The following CYREN variants were observed in gnomAD, a reference collection of about 807,000 sequenced individuals.
The protein encoded by CYREN is cell cycle regulator of non-homologous end joining.
A neutral mutation model predicts 9.7 loss-of-function variants in CYREN; 7 were observed. The ratio of observed to expected loss-of-function variants is 0.72; its 90% CI spans 0.41 to 1.36. The LOEUF is 1.36. Among genes scored for constraint, CYREN ranks in the 40% most tolerant of loss-of-function variants. CYREN has a pLI of 0.01. For synonymous variants in CYREN, 76 were observed against 77.9 expected, an observed-to-expected ratio of 0.98 and a Z score of 0.13; for missense variants, 215 against 198.1, an observed-to-expected ratio of 1.09 and a Z score of -0.51.
chr7:135,109,555 A>C (rs1202168677), intron 2 of CYREN, among the ~76,000 whole-genome samples: 1 of 151,892 alleles, frequency 6.6e-6, no homozygotes, highest in Non-Finnish European at 1.5e-5. Flanking sequence ...ATTTTTCAGC[A>C]CCTGAAGGTA....
intron 2 of CYREN, among the ~76,000 whole-genome samples, chr7:135,144,192 T>G (rs1291184509): frequency 6.6e-6 from 1 of 152,122 alleles, no homozygotes; most frequent in African/African-American, 2.4e-5. Flanking sequence ...TACTTCATAG[T>G]GTGGAGTTTC....
chr7:135,166,928 T>C, intron 3 of CYREN, 57 bp from the exon 4 acceptor site: 2 of 1,582,206 alleles, frequency 1.3e-6, no homozygotes, highest in Non-Finnish European at 1.7e-6. Flanking sequence ...CCTAACATGC[T>C]GATCTGTCAG....
chr7:135,136,163 T>C (rs1251740115), intron 2 of CYREN, among the ~76,000 whole-genome samples: 1 of 151,962 alleles, frequency 6.6e-6, no homozygotes, highest in Non-Finnish European at 1.5e-5. Context: ...AGGTCAACAA[T>C]GGCATCCATT....
At chr7:135,111,926 G>A (rs1019481365) in intron 2 of CYREN, among the ~76,000 whole-genome samples, 11 of 151,838 alleles carry the variant, frequency 7.2e-5, no homozygotes, top group South Asian at 6.3e-4. Context: ...ACTGGATATC[G>A]CCATCTGTTT....
intron 2 of CYREN, among the ~76,000 whole-genome samples, chr7:135,146,655 A>G (rs549946027): frequency 2.6e-5 from 4 of 152,376 alleles, no homozygotes; most frequent in Non-Finnish European, 1.5e-5. Context: ...TGGAACATGC[A>G]GTGGGGAAGA....
At chr7:135,102,242 T>C (rs565661096) in intron 2 of CYREN, among the ~76,000 whole-genome samples, 1 of 152,330 alleles carries the variant, frequency 6.6e-6, no homozygotes, top group South Asian at 2.1e-4. Context: ...TGAGCTTCAA[T>C]GGAACATAAA....
intron 2 of CYREN, among the ~76,000 whole-genome samples, chr7:135,132,309 A>G (rs1828881732): frequency 1.3e-5 from 2 of 152,242 alleles, no homozygotes; most frequent in Non-Finnish European, 2.9e-5. Context: ...AAAAAGAATT[A>G]TACACCATGA....
chr7:135,096,898 G>T (rs1436640594), intron 2 of CYREN, among the ~76,000 whole-genome samples: 1 of 152,144 alleles, frequency 6.6e-6, no homozygotes. Context: ...AAAATATGCA[G>T]AAAAGAATTT....
chr7:135,114,047 G>T (rs893374662), intron 2 of CYREN, among the ~76,000 whole-genome samples: 1 of 152,260 alleles, frequency 6.6e-6, no homozygotes. Flanking sequence ...TCCTTTTTAA[G>T]ACTAAATAAT....
At chr7:135,168,542 C>T in intron 2 of CYREN, 1 of 527,540 alleles carries the variant, frequency 1.9e-6, no homozygotes, top group Admixed American at 3.6e-5. Flanking sequence ...AGAACCCACT[C>T]TGTGTGTGCT....
At chr7:135,106,787 G>A (rs1824789638) in intron 2 of CYREN, among the ~76,000 whole-genome samples, 1 of 152,168 alleles carries the variant, frequency 6.6e-6, no homozygotes, top group African/African-American at 2.4e-5. Flanking sequence ...CAGTAGGAAT[G>A]GTACCAGCTC....
rs756247796 is a variant in CYREN, at chr7:135,110,315, C to G, written n.357-15733G>C. On this transcript the variant is annotated intron_variant and non_coding_transcript_variant, in intron 2 of 2. Coordinates refer to the CYREN transcript ENST00000459937. ...CAGCCCCCTGGATTCAGCCCCTTTC[C>G]TAGGGGTATGTACAGAGGTCTAACT... is the stretch of plus-strand genomic sequence containing the variant. 3.9e-5 allele frequency among the ~76,000 whole-genome samples: 6 copies of G among 152,184 alleles called. No individual in the cohort carries two copies. In the East Asian group the frequency reaches 7.7e-4, roughly 20 times the overall value.
intron 2 of CYREN, chr7:135,148,304 C>A (rs3735002): frequency 1.4e-5 from 5 of 348,516 alleles, no homozygotes; most frequent in African/African-American, 8.6e-5. Context: ...CACAGCTTAC[C>A]CAGACGTCTA....
chr7:135,171,453 T>G (rs1243560934), upstream of CYREN, among the ~76,000 whole-genome samples: 1 of 152,148 alleles, frequency 6.6e-6, no homozygotes, highest in African/African-American at 2.4e-5. Context: ...ATGTTATTCA[T>G]AGATTCCAGA....
intron 2 of CYREN, among the ~76,000 whole-genome samples, chr7:135,124,974 T>C (rs78231440): frequency 1.3e-5 from 2 of 151,816 alleles, no homozygotes; most frequent in Non-Finnish European, 2.9e-5. Flanking sequence ...CACACCCAAA[T>C]ATCACAATTA....
In CYREN at chr7:135,166,418, C is replaced by A; in HGVS notation, c.*193G>T. ...CATTTTGAGTCCTGCCTTCCGCACA[C>A]TCAGAACGGCAGCCCCAAGGCCCGG... is the stretch of plus-strand genomic sequence containing the variant. On this transcript the variant is annotated 3_prime_UTR_variant, in exon 4 of 4. Coordinates refer to ENST00000393114, the MANE Select transcript of CYREN (RefSeq NM_024033.4). 1.3e-6 allele frequency: 1 copy of A among 778,620 alleles called. No homozygotes were observed. Among genetic ancestry groups the A allele is most frequent in the South Asian group, 2.4e-5 (1 of 42,450 alleles). The allele number at this position is 778,620 out of a possible 1,614,324, so 48.2% of individuals were successfully genotyped here.
At chr7:135,171,221 T>C (rs1830636552), upstream of CYREN, among the ~76,000 whole-genome samples, 1 of 152,158 alleles carries the variant, frequency 6.6e-6, no homozygotes, top group East Asian at 1.9e-4. Context: ...ATTGCTGTAT[T>C]AACCAAGGCT....
intron 2 of CYREN, among the ~76,000 whole-genome samples, chr7:135,102,747 C>T (rs1363562715): frequency 1.3e-5 from 2 of 151,312 alleles, no homozygotes; most frequent in Non-Finnish European, 2.9e-5. Context: ...TAACCCTTGT[C>T]TTACACCATA....
chr7:135,155,477 A>G (rs565686029), intron 2 of CYREN, among the ~76,000 whole-genome samples: 1 of 152,114 alleles, frequency 6.6e-6, no homozygotes, highest in East Asian at 1.9e-4. Flanking sequence ...CTTCCTTTGT[A>G]TGATTGTTTT....
Sources: gnomAD v4.1 joint callset for allele counts (sites outside exome capture counted in the v4.1 genomes callset) on GRCh38, gnomAD v4.1.1 for gene constraint, MANE v1.5 for transcripts, NCBI Gene and HGNC (gene_info 2026-07-23, HGNC 2026-07-21) for gene names.